The following PPFIBP1 variants were observed in gnomAD, a reference collection of about 807,000 sequenced individuals.
PPFIBP1 encodes the protein PPFIB scaffold protein 1, also known as liprin-beta-1.
In PPFIBP1, 112 loss-of-function variants were observed where a neutral mutation model predicts 137.8. The observed-to-expected ratio is 0.81, with a 90% CI of 0.70 to 0.95. The LOEUF is 0.95. Among genes scored for constraint, PPFIBP1 ranks in the 40% least tolerant of loss-of-function variants. The pLI is 0.00. For missense variants in PPFIBP1, 1,083 were observed against 1,196.6 expected, an observed-to-expected ratio of 0.91 and a Z score of 1.40; for synonymous variants, 378 against 417.3, an observed-to-expected ratio of 0.91 and a Z score of 1.15.
At chr12:27,582,731 A>C (rs537402805) in intron 2 of PPFIBP1, among the ~76,000 whole-genome samples, 1 of 152,328 alleles carries the variant, frequency 6.6e-6, no homozygotes, top group South Asian at 2.1e-4. Flanking sequence ...GGATCCACTT[A>C]GTCCCTAGGC....
Position 27,671,534 on chromosome 12 carries a change from C to A in PPFIBP1, c.1250C>A (p.Ser417Ter), listed in dbSNP as rs1210572995. 1 of 1,567,668 alleles carries A rather than the reference C, an allele frequency of 6.4e-7. No homozygotes were observed. Among genetic ancestry groups the A allele is most frequent in the Non-Finnish European group, 8.7e-7 (1 of 1,154,654 alleles). The change falls in exon 14 of 30, where the codon TCA (serine) becomes TAA (stop). Residue 417 changes from serine (S) to a stop codon, truncating the protein, a stop_gained. Transcript: ENST00000228425. LOFTEE classifies it high-confidence loss of function. ...KSKLTPKPET[S>*]FEENDGNIIL... ...AAGTTGACTCCTAAGCCAGAGACTT[C>A]ATTTGAAGAAAAGTATGTCATTTAT...
chr12:27,545,252 G>A (rs1350561576), intron 1 of PPFIBP1, among the ~76,000 whole-genome samples: 1 of 152,148 alleles, frequency 6.6e-6, no homozygotes, highest in African/African-American at 2.4e-5. Flanking sequence ...GGGGCAAAGG[G>A]AGGGATAGCA....
intron 2 of PPFIBP1, among the ~76,000 whole-genome samples, chr12:27,596,061 T>C (rs2053250343): frequency 7.8e-6 from 1 of 128,296 alleles, no homozygotes; most frequent in African/African-American, 3.1e-5. Flanking sequence ...ATAAGGGGCA[T>C]GGGTATAAAT....
At chr12:27,622,092 G>A (rs1217895062) in intron 2 of PPFIBP1, among the ~76,000 whole-genome samples, 9 of 152,168 alleles carry the variant, frequency 5.9e-5, no homozygotes, top group African/African-American at 9.7e-5. Context: ...TCCACTTGCC[G>A]TTTAATTGTC....
At chr12:27,612,509 GCTAA>G (rs1426613837) in intron 2 of PPFIBP1, among the ~76,000 whole-genome samples, 1 of 151,830 alleles carries the variant, frequency 6.6e-6, no homozygotes, top group African/African-American at 2.4e-5. Context: ...ACCACACCCA[GCTAA>G]CTGTTTGTTT....
Position 27,604,489 on chromosome 12 carries a change from C to T in PPFIBP1, c.-36+26250C>T, listed in dbSNP as rs1472391474. Among the ~76,000 whole-genome samples, 12 of 152,170 alleles carry T rather than the reference C, an allele frequency of 7.9e-5. No individual in the cohort carries two copies. The East Asian group carries it at 2.1e-3, about 27-fold the overall frequency. On this transcript the variant is annotated intron_variant, in intron 2 of 29. Coordinates refer to ENST00000228425, the MANE Select transcript of PPFIBP1 (RefSeq NM_003622.4). Reference sequence around the variant, plus strand: ...ACAGAGTTCCCATTAGTAGACCTGCCTGTGGGCCAAAACCTCCTGCCTGTA... The same window carrying T: ...ACAGAGTTCCCATTAGTAGACCTGCTTGTGGGCCAAAACCTCCTGCCTGTA...
At chr12:27,544,779 G>A (rs1403606386) in intron 1 of PPFIBP1, among the ~76,000 whole-genome samples, 1 of 152,082 alleles carries the variant, frequency 6.6e-6, no homozygotes, top group East Asian at 1.9e-4. Context: ...TAGGAACGCT[G>A]TTGGTGGGAG....
chr12:27,599,552 C>G, intron 2 of PPFIBP1: 1 of 453,010 alleles, frequency 2.2e-6, no homozygotes, highest in Non-Finnish European at 4.4e-6. Context: ...CTTCCTTTTT[C>G]TTTCATCTTT....
chr12:27,538,448 C>T (rs764001286), intron 1 of PPFIBP1: 3 of 152,210 alleles, frequency 2.0e-5, no homozygotes, highest in Non-Finnish European at 4.4e-5. Context: ...ACTTTACTTG[C>T]AGTATCTCAG....
chr12:27,647,554 C>T (rs1464925221), intron 5 of PPFIBP1, among the ~76,000 whole-genome samples, 175 bp from the exon 6 acceptor site: 1 of 152,130 alleles, frequency 6.6e-6, no homozygotes, highest in Non-Finnish European at 1.5e-5. Flanking sequence ...CAAATAGCAA[C>T]ATATAAATAG....
rs1174172830 is a variant in PPFIBP1, at chr12:27,676,483, G to C, written c.1466G>C (p.Gly489Ala). The change falls in exon 18 of 30, where the codon GGG (glycine) becomes GCG (alanine). Residue 489 changes from glycine to alanine, a missense_variant. Transcript: ENST00000228425. Reference protein sequence around the residue: ...PFGTLPPRPPGQDTSMDDNPF... With the variant: ...PFGTLPPRPPAQDTSMDDNPF... The stretch of plus-strand genomic sequence containing the variant: ...GGGACCCTTCCTCCCAGGCCCCCAG[G>C]GCAGGACACCTCCATGGATGACAAC... 2.4e-5 allele frequency: 38 copies of C among 1,603,618 alleles called. No homozygotes were observed. The highest frequency in any genetic ancestry group is 3.2e-5 in the Non-Finnish European group (37 of 1,174,066).
Position 27,691,221 on chromosome 12 carries a change from G to GA in PPFIBP1, c.2686-523dup, listed in dbSNP as rs911865442. 5.0e-4 allele frequency among the ~76,000 whole-genome samples: 76 copies of GA among 151,242 alleles called. 1 individual carries two copies. Among genetic ancestry groups the GA allele is most frequent in the African/African-American group, 1.8e-3 (74 of 41,122 alleles). ...TATTCTATTTTGCTAATCTTAGATT[G>GA]AAAAACCTTGCAAAATTGGATTCAG... On this transcript the variant is annotated intron_variant, in intron 27 of 29. Transcript: ENST00000228425.
At chr12:27,653,267 A>G (rs2058986012) in intron 7 of PPFIBP1, among the ~76,000 whole-genome samples, 1 of 152,162 alleles carries the variant, frequency 6.6e-6, no homozygotes, top group Admixed American at 6.5e-5. Flanking sequence ...TTTGTGATGC[A>G]GGAATACATG....
At chr12:27,543,340 T>A (rs986875876) in intron 1 of PPFIBP1, among the ~76,000 whole-genome samples, 23 of 152,236 alleles carry the variant, frequency 1.5e-4, no homozygotes, top group Admixed American at 3.3e-4. Flanking sequence ...TCTTTAAATG[T>A]GTCCTGGACC....
chr12:27,689,560 AAG>A (rs1456444607), intron 27 of PPFIBP1, among the ~76,000 whole-genome samples: 1 of 152,174 alleles, frequency 6.6e-6, no homozygotes, highest in East Asian at 1.9e-4. Context: ...GGGCTGCTGA[AAG>A]AGAATGAGCC....
At chr12:27,678,205 C>T (rs2060643640) in intron 19 of PPFIBP1, among the ~76,000 whole-genome samples, 1 of 152,158 alleles carries the variant, frequency 6.6e-6, no homozygotes, top group Admixed American at 6.5e-5. Flanking sequence ...ACACTGAAGA[C>T]AACAGTAGCC....
intron 2 of PPFIBP1, among the ~76,000 whole-genome samples, chr12:27,632,899 T>G (rs117148015): frequency 0.028 from 4,264 of 152,288 alleles, 85 homozygotes; most frequent in Non-Finnish European, 0.042. Context: ...AGTATATGTG[T>G]TAGTGAATCC....
intron 4 of PPFIBP1, among the ~76,000 whole-genome samples, chr12:27,641,980 A>AAGAAATAAATAG (rs2058141164): frequency 6.9e-6 from 1 of 144,896 alleles, no homozygotes; most frequent in Non-Finnish European, 1.5e-5. Flanking sequence ...TAAATAAATA[A>AAGAAATAAATAG]ATAGAAGGCT....
Position 27,689,040 on chromosome 12 carries a change from A to G in PPFIBP1, c.2522A>G (p.Glu841Gly). Residue 841 changes from glutamate (E) to glycine (G), a missense_variant, in exon 27 of 30, where the codon GAA becomes GGA. Glu to Gly is a moderately conservative substitution (Grantham distance 98, BLOSUM62 -2). Transcript: ENST00000228425. ...LMVLEPRFNV[E>G]TMAQLLNIPP... ...GTTCTAGAGCCTCGTTTTAACGTAG[A>G]AACAATGGCTCAGTTATTGAACATC... is the stretch of plus-strand genomic sequence containing the variant. 2 of 1,613,770 alleles carry G rather than the reference A, an allele frequency of 1.2e-6. No individual in the cohort carries two copies. Among genetic ancestry groups the G allele is most frequent in the Non-Finnish European group, 1.7e-6 (2 of 1,179,932 alleles).
Sources: gnomAD v4.1 joint callset for allele counts (sites outside exome capture counted in the v4.1 genomes callset) on GRCh38, gnomAD v4.1.1 for gene constraint, MANE v1.5 for transcripts, NCBI Gene and HGNC (gene_info 2026-07-23, HGNC 2026-07-21) for gene names.